Variants in DNAH3 observed in about 807,000 individuals in gnomAD.
DNAH3 encodes the protein axonemal beta dynein heavy chain 3.
Under a neutral mutation model 432.5 loss-of-function variants are expected in DNAH3, and 332 were observed. The observed-to-expected ratio is 0.77, with a 90% CI of 0.70 to 0.84. DNAH3 has a LOEUF of 0.84. Ranked by LOEUF, DNAH3 falls within the 40% of genes least tolerant of loss-of-function variation. The pLI is 0.00. For missense variants in DNAH3, 4,861 were observed against 5,114.0 expected, an observed-to-expected ratio of 0.95 and a Z score of 1.51; for synonymous variants, 1,956 against 1,900.2, an observed-to-expected ratio of 1.03 and a Z score of -0.76.
chr16:20,978,269 C>T lies in DNAH3; in HGVS notation c.8076+1061G>A, dbSNP rs137878980. ...AGGTGGCCGGGCGGGTGGCTCATGC[C>T]TGTAATCCCAGCACTTTGGGAGGCC... is the stretch of plus-strand genomic sequence containing the variant. On this transcript the variant is annotated intron_variant, in intron 50 of 61. Transcript: ENST00000261383. Among the ~76,000 whole-genome samples, 374 of 152,306 alleles carry T rather than the reference C, an allele frequency of 2.5e-3. 1 individual carries two copies. Among genetic ancestry groups the T allele is most frequent in the Non-Finnish European group, 3.0e-3 (204 of 68,036 alleles).
intron 24 of DNAH3, 87 bp from the exon 25 acceptor site, chr16:21,062,770 A>G (rs1004290018): frequency 1.0e-6 from 1 of 985,238 alleles, no homozygotes; most frequent in Non-Finnish European, 1.5e-6. Context: ...GGTAGTCCGC[A>G]CCTACGTGAA....
In DNAH3 at chr16:21,024,654, AG is replaced by A; in HGVS notation, c.5587del (p.Leu1863Ter). The A allele has an allele frequency of 6.2e-7, 1 of 1,613,728 alleles. No individual in the cohort carries two copies. The highest frequency in any genetic ancestry group is 8.5e-7 in the Non-Finnish European group (1 of 1,179,780). On this transcript the variant is annotated frameshift_variant, in exon 39 of 62. Coordinates refer to ENST00000261383, the Ensembl canonical transcript of DNAH3. LOFTEE classifies it high-confidence loss of function. ...CAGGGTGTCCATGTAGGAATCCTTC[AG>A]GGGCTTCCAGCCTAGTTGATGGGGC...
At chr16:21,015,736 T>C (rs1289829645) in intron 41 of DNAH3, among the ~76,000 whole-genome samples, 3 of 152,212 alleles carry the variant, frequency 2.0e-5, no homozygotes, top group Admixed American at 2.0e-4. Context: ...AAACTTTTTT[T>C]AAAGGAGAAG....
Position 20,935,213 on chromosome 16 carries a change from G to A in DNAH3, c.11997+135C>T, listed in dbSNP as rs543712011. The A allele has an allele frequency of 4.0e-6, 4 of 1,006,624 alleles. No homozygotes were observed. In the African/African-American group the frequency reaches 6.6e-5, roughly 17 times the overall value. The allele number at this position is 1,006,624 out of a possible 1,614,324, so 62.4% of individuals were successfully genotyped here. On this transcript the variant is annotated intron_variant, in intron 61 of 61. Coordinates refer to ENST00000261383, the Ensembl canonical transcript of DNAH3. ...AGCTTTTAGAGCTACTGTAAATTAT[G>A]CTAAATGCTTCATATGTACCATTTC...
intron 37 of DNAH3, among the ~76,000 whole-genome samples, chr16:21,029,964 A>T (rs1432779260): frequency 6.6e-6 from 1 of 152,118 alleles, no homozygotes; most frequent in African/African-American, 2.4e-5. Flanking sequence ...GCAGGACTAC[A>T]CGCACTTACC....
At chr16:21,040,525 C>G (rs568718094) in intron 32 of DNAH3, among the ~76,000 whole-genome samples, 2 of 151,696 alleles carry the variant, frequency 1.3e-5, no homozygotes, top group South Asian at 4.2e-4. Flanking sequence ...AACACCAGGC[C>G]CAGCTAATTT....
intron 1 of DNAH3, 101 bp from the exon 2 acceptor site, chr16:21,150,635 G>C (rs552467874): frequency 1.3e-3 from 248 of 187,930 alleles, no homozygotes; most frequent in Admixed American, 4.1e-3. Flanking sequence ...CGGTGGCCAC[G>C]CTTCCTTTCC....
At chr16:21,156,086 C>T (rs1320149427) in intron 1 of DNAH3, among the ~76,000 whole-genome samples, 2 of 152,156 alleles carry the variant, frequency 1.3e-5, no homozygotes, top group Non-Finnish European at 2.9e-5. Flanking sequence ...GGCCCCCTTC[C>T]ATGTTGCAGG....
At chr16:21,000,472 A>G in exon 43 of DNAH3, 1 of 1,613,676 alleles carries the variant, frequency 6.2e-7, no homozygotes, top group Non-Finnish European at 8.5e-7. Context: ...TTTCAAGAAG[A>G]AGGACTGCCG....
rs532066505 is a variant in DNAH3 at position 21,144,909 on chromosome 16, G to A, written c.448+272C>T. ...GAGGCAGGTGGATCACCTGAGGTCA[G>A]GAGTTTGAGACCAGCCTGGCCAACA... On this transcript the variant is annotated intron_variant, in intron 3 of 61. Transcript: ENST00000261383. Among the ~76,000 whole-genome samples the A allele has an allele frequency of 6.2e-4, 94 of 152,068 alleles. 1 individual carries two copies. The highest frequency in any genetic ancestry group is 4.7e-3 in the Admixed American group (72 of 15,254).
At chr16:21,121,142 GC>G in intron 10 of DNAH3, 1 of 517,608 alleles carries the variant, frequency 1.9e-6, no homozygotes, top group Non-Finnish European at 3.7e-6. Context: ...GAGCTAGCCA[GC>G]AAGACCCCAC....
chr16:21,136,271 AG>A, intron 6 of DNAH3, 52 bp downstream of exon 7: 1 of 1,504,842 alleles, frequency 6.6e-7, no homozygotes, highest in South Asian at 1.2e-5. Flanking sequence ...ATAAAAAAGA[AG>A]GTGCCCTCTA....
At chr16:20,988,386 G>A (rs1389980036) in intron 44 of DNAH3, among the ~76,000 whole-genome samples, 2 of 152,152 alleles carry the variant, frequency 1.3e-5, no homozygotes, top group Non-Finnish European at 2.9e-5. Context: ...CTAGTTTAGT[G>A]CTCATTATTA....
rs550227295 is a variant in DNAH3, at chr16:21,033,467, G to T, written c.5197+507C>A. Among the ~76,000 whole-genome samples the T allele has an allele frequency of 6.6e-5, 10 of 152,196 alleles. 1 individual carries two copies. In the South Asian group the frequency reaches 2.1e-3, roughly 32 times the overall value. ...CATAACAATCCCATTTTACAGCTGGGAAAACAGAGGATAACACAGGTTTAG... is the reference window on the plus strand; with the variant it reads ...CATAACAATCCCATTTTACAGCTGGTAAAACAGAGGATAACACAGGTTTAG... On this transcript the variant is annotated intron_variant, in intron 36 of 61. Transcript: ENST00000261383.
At chr16:21,124,742 T>C (rs2092412693) in intron 9 of DNAH3, among the ~76,000 whole-genome samples, 1 of 152,024 alleles carries the variant, frequency 6.6e-6, no homozygotes, top group Admixed American at 6.6e-5. Flanking sequence ...TTCCGCCGCC[T>C]GGGTTCAAGC....
chr16:21,034,202 A>C (rs2089044925), intron 35 of DNAH3, 117 bp from the exon 36 acceptor site: 11 of 641,826 alleles, frequency 1.7e-5, no homozygotes, highest in Non-Finnish European at 3.0e-5. Flanking sequence ...AGTTGCTTCT[A>C]CCTCTGGAGA....
At chr16:21,072,828 T>TTATTATTATTATTAC (rs2090840904) in intron 21 of DNAH3, among the ~76,000 whole-genome samples, 1 of 147,474 alleles carries the variant, frequency 6.8e-6, no homozygotes, top group African/African-American at 2.5e-5. Context: ...ATTATTATTA[T>TTATTATTATTATTAC]TATTATTATT....
intron 41 of DNAH3, among the ~76,000 whole-genome samples, chr16:21,013,075 A>C (rs2087685051): frequency 6.6e-6 from 1 of 152,168 alleles, no homozygotes; most frequent in African/African-American, 2.4e-5. Context: ...AAAAAGAAAG[A>C]TCTAAAATCA....
At chr16:21,062,488 A>T (rs376446253) in exon 25 of DNAH3, 5 of 1,614,162 alleles carry the variant, frequency 3.1e-6, no homozygotes, top group Non-Finnish European at 4.2e-6. Flanking sequence ...TTACCTTGGC[A>T]TTAGCTGGGT....
Sources: allele counts gnomAD v4.1 joint callset (sites outside exome capture counted in the v4.1 genomes callset), GRCh38; gene constraint gnomAD v4.1.1; transcripts MANE v1.5; gene names NCBI Gene and HGNC (gene_info 2026-07-23, HGNC 2026-07-21).